The following NCOR2 variants were observed in gnomAD, a reference collection of about 807,000 sequenced individuals.
NCOR2 encodes nuclear receptor corepressor 2.
NCOR2 carries 81 observed loss-of-function variants against 262.9 expected under a neutral mutation model. The ratio of observed to expected loss-of-function variants is 0.31; its 90% CI spans 0.26 to 0.37. The LOEUF (loss-of-function observed/expected upper bound fraction) is 0.37. Among genes scored for constraint, NCOR2 ranks in the 10% least tolerant of loss-of-function variants. The probability of loss-of-function intolerance (pLI) is 1.00; values close to 1 mark genes in which losing one functional copy is unlikely to be tolerated. For missense variants in NCOR2, 3,385 were observed against 3,621.4 expected, an observed-to-expected ratio of 0.93 and a Z score of 1.68; for synonymous variants, 1,659 against 1,559.3, an observed-to-expected ratio of 1.06 and a Z score of -1.51.
intron 38 of NCOR2, chr12:124,336,111 G>A (rs1422939871): frequency 6.0e-6 from 1 of 166,556 alleles, no homozygotes; most frequent in Non-Finnish European, 1.3e-5. Context: ...GGGGTCCAGA[G>A]GCAGAGGGCT....
rs1481648312 is a variant in NCOR2 at position 124,392,927 on chromosome 12, C to T, written c.1876+5192G>A. On this transcript the variant is annotated intron_variant, in intron 16 of 46. Transcript: ENST00000405201. ...GGGTCTGCCCGGGCTTACTGGGAGC[C>T]ACCAGGGCCTGGTCTTGCACATCCT... Among the ~76,000 whole-genome samples the T allele has an allele frequency of 2.6e-5, 4 of 152,330 alleles. No homozygotes were observed. In the South Asian group the frequency reaches 6.2e-4, roughly 24 times the overall value.
chr12:124,396,234 G>A (rs747554974), intron 16 of NCOR2, among the ~76,000 whole-genome samples: 5 of 152,154 alleles, frequency 3.3e-5, no homozygotes, highest in Non-Finnish European at 7.4e-5. Context: ...TCTGGGGTGA[G>A]AAAAAGTTCT....
rs1348000649 is a variant in NCOR2 at position 124,340,282 on chromosome 12, C to G, written c.5488+12G>C. ...AGTCCCGGAGCGGGGGGTGGGGGCT[C>G]TGATGCCCTACCAGGTCTCCAGATG... On this transcript the variant is annotated intron_variant, in intron 36 of 46. Coordinates refer to ENST00000405201, the Ensembl canonical transcript of NCOR2. 1.6e-5 allele frequency: 26 copies of G among 1,609,282 alleles called. No individual in the cohort carries two copies. Among genetic ancestry groups the G allele is most frequent in the Non-Finnish European group, 2.0e-5 (24 of 1,179,272 alleles).
At chr12:124,426,582 T>C (rs1565932099) in intron 11 of NCOR2, 40 bp downstream of exon 13, 5 of 1,519,370 alleles carry the variant, frequency 3.3e-6, no homozygotes, top group Admixed American at 1.8e-5. Flanking sequence ...AGGATGGGGG[T>C]GGGGGGCCGG....
chr12:124,525,186 C>T (rs916835618), intron 1 of NCOR2, among the ~76,000 whole-genome samples: 4 of 152,158 alleles, frequency 2.6e-5, no homozygotes, highest in African/African-American at 4.8e-5. Flanking sequence ...AGGCACAGAA[C>T]CCCAATCAGC....
chr12:124,545,690 G>A (rs2051520385), intron 1 of NCOR2, among the ~76,000 whole-genome samples: 1 of 152,190 alleles, frequency 6.6e-6, no homozygotes, highest in South Asian at 2.1e-4. Context: ...AAGAAACGCA[G>A]CAGAAACTGA....
chr12:124,330,567 T>C (rs1350333807), intron 44 of NCOR2, among the ~76,000 whole-genome samples: 1 of 151,944 alleles, frequency 6.6e-6, no homozygotes, highest in Admixed American at 6.6e-5. Context: ...GCAAGGTGAG[T>C]TTCCAGCTGG....
In NCOR2 at chr12:124,345,047, A is replaced by G. The variant is rs554760489; in HGVS notation, c.4360-96T>C. 3.4e-6 allele frequency: 4 copies of G among 1,162,452 alleles called. No homozygotes were observed. The South Asian group carries it at 6.3e-5, about 18-fold the overall frequency. The allele number at this position is 1,162,452 out of a possible 1,614,324, so 72.0% of individuals were successfully genotyped here. A position where few individuals can be genotyped will look rare whatever the true frequency, so the allele number is the denominator to read the frequency against. On this transcript the variant is annotated intron_variant, in intron 31 of 46. Transcript: ENST00000405201. The stretch of plus-strand genomic sequence containing the variant: ...GAGCCTCAAAAAGTTTGTCATCTAT[A>G]AGATGGAAGTGACATCTGATGCCTC...
In NCOR2 at chr12:124,532,990, TCCCCCA is replaced by T. The variant is rs1171761383; in HGVS notation, c.-118+2569_-118+2574del. On this transcript the variant is annotated intron_variant, in intron 1 of 46. Coordinates refer to the NCOR2 transcript ENST00000404621. ...CCTCCCTCCAAATCCCACTCCTCTT[TCCCCCA>T]CCTCCAAATCGCACTTCTCCTTCCC... is the stretch of plus-strand genomic sequence containing the variant. 3.8e-4 allele frequency among the ~76,000 whole-genome samples: 16 copies of T among 41,660 alleles called. 1 individual carries two copies. Among genetic ancestry groups the T allele is most frequent in the Admixed American group, 1.2e-3 (4 of 3,452 alleles). The allele number at this position is 41,660 out of a possible 152,430, so 27.3% of individuals were successfully genotyped here.
At chr12:124,353,878 T>C (rs1161703684) in intron 27 of NCOR2, among the ~76,000 whole-genome samples, 2 of 152,242 alleles carry the variant, frequency 1.3e-5, no homozygotes, top group African/African-American at 4.8e-5. Flanking sequence ...TTCCACTACA[T>C]GGCAGCTCCC....
At chr12:124,352,501 T>C in intron 27 of NCOR2, among the ~76,000 whole-genome samples, 1 of 152,054 alleles carries the variant, frequency 6.6e-6, no homozygotes, top group East Asian at 1.9e-4. Context: ...CAGTCCCAAG[T>C]AGCTGAGACT....
intron 45 of NCOR2, 139 bp from the exon 48 acceptor site, chr12:124,326,509 C>A: frequency 1.2e-6 from 1 of 829,224 alleles, no homozygotes; most frequent in Non-Finnish European, 1.7e-6. Context: ...TGAACCCCTC[C>A]TCCCTGCTGC....
intron 1 of NCOR2, among the ~76,000 whole-genome samples, chr12:124,552,682 G>A (rs1027539850): frequency 1.7e-4 from 26 of 152,094 alleles, no homozygotes; most frequent in African/African-American, 6.3e-4. Context: ...TTTTTCGGGG[G>A]GGTTAGGAGG....
intron 36 of NCOR2, 41 bp from the exon 39 acceptor site, chr12:124,340,245 C>A (rs201462372): frequency 1.2e-6 from 2 of 1,605,138 alleles, no homozygotes; most frequent in East Asian, 2.2e-5. Context: ...AGGCCTCTTG[C>A]GGCCCACAAG....
chr12:124,558,618 C>T (rs540110944), intron 1 of NCOR2, among the ~76,000 whole-genome samples: 91 of 152,216 alleles, frequency 6.0e-4, no homozygotes, highest in African/African-American at 2.0e-3. Flanking sequence ...CTGGGGGATG[C>T]GGGGGTCAAT....
At chr12:124,447,151 G>T (rs1376654446) in intron 7 of NCOR2, among the ~76,000 whole-genome samples, 3 of 152,232 alleles carry the variant, frequency 2.0e-5, no homozygotes, top group Non-Finnish European at 4.4e-5. Flanking sequence ...CTGACCTCAA[G>T]TTATCTGCCC....
At chr12:124,342,830 C>G (rs898692726) in intron 33 of NCOR2, among the ~76,000 whole-genome samples, 175 bp downstream of exon 35, 1 of 152,204 alleles carries the variant, frequency 6.6e-6, no homozygotes, top group African/African-American at 2.4e-5. Flanking sequence ...AAGAGAAATT[C>G]TGCTCCAACC....
chr12:124,409,863 G>A (rs1186154859), intron 13 of NCOR2, among the ~76,000 whole-genome samples: 4 of 151,930 alleles, frequency 2.6e-5, no homozygotes, highest in Non-Finnish European at 1.5e-5. Flanking sequence ...TTTTTTTGTA[G>A]AGATGGGGTC....
chr12:124,336,486 A>C (rs554332992), intron 38 of NCOR2: 33 of 669,104 alleles, frequency 4.9e-5, no homozygotes, highest in Admixed American at 8.6e-5. Flanking sequence ...CGGCCGGAGT[A>C]GTCGTCAGCG....
Sources: allele counts gnomAD v4.1 joint callset (sites outside exome capture counted in the v4.1 genomes callset), GRCh38; gene constraint gnomAD v4.1.1; transcripts MANE v1.5; gene names NCBI Gene and HGNC (gene_info 2026-07-23, HGNC 2026-07-21).